CRMP1: variants seen among roughly 807,000 people sequenced by gnomAD.
CRMP1 encodes dihydropyrimidinase-related protein 1.
CRMP1 carries 19 observed loss-of-function variants against 68.3 expected under a neutral mutation model. That is an observed-to-expected ratio of 0.28 (90% CI 0.19 to 0.41). The LOEUF is 0.41. Among genes scored for constraint, CRMP1 ranks in the 10% least tolerant of loss-of-function variants. The probability of loss-of-function intolerance (pLI) is 1.00; values close to 1 mark genes in which losing one functional copy is unlikely to be tolerated. For synonymous variants in CRMP1, 439 were observed against 399.6 expected (o/e 1.10, Z -1.18); for missense variants, 791 against 967.4 (o/e 0.82, Z 2.42).
chr4:5,864,858 C>T (rs1713872075), intron 2 of CRMP1, among the ~76,000 whole-genome samples: 1 of 146,982 alleles, frequency 6.8e-6, no homozygotes, highest in Non-Finnish European at 1.5e-5. Context: ...CCCAAGTTTT[C>T]ATTATGGCTG....
intron 1 of CRMP1, among the ~76,000 whole-genome samples, chr4:5,873,458 C>T (rs1714602468): frequency 6.6e-6 from 1 of 151,728 alleles, no homozygotes; most frequent in African/African-American, 2.4e-5. Flanking sequence ...ATGCTGGCAT[C>T]TGCTTGGCTT....
Position 5,861,675 on chromosome 4 carries a change from G to A in CRMP1, c.471-465C>T, listed in dbSNP as rs551419502. The stretch of plus-strand genomic sequence containing the variant: ...AAACGAAGCCCCCGGGGATCTCCAT[G>A]GGTGACTTATTGATGACGGTGGCTT... On this transcript the variant is annotated intron_variant, in intron 2 of 13. Transcript: ENST00000324989. The surrounding 1 kb of genome is among the most constrained non-coding windows in gnomAD (Gnocchi z 6.0). Among the ~76,000 whole-genome samples, 1 of 152,228 alleles carries A rather than the reference G, an allele frequency of 6.6e-6. No homozygotes were observed. The highest frequency in any genetic ancestry group is 1.9e-4 in the East Asian group (1 of 5,166).
At position 5,870,842 on chromosome 4, in the gene CRMP1, A is replaced by G. The variant is rs1714385075; in HGVS notation, c.382-4086T>C. Among the ~76,000 whole-genome samples, 3 of 152,112 alleles carry G rather than the reference A, an allele frequency of 2.0e-5. No homozygotes were observed. Among genetic ancestry groups the G allele is most frequent in the Admixed American group, 6.5e-5 (1 of 15,280 alleles). On this transcript the variant is annotated intron_variant, in intron 1 of 13. Coordinates refer to ENST00000324989, the MANE Select transcript of CRMP1 (RefSeq NM_001014809.3). This position sits in a 1 kb window ranked among gnomAD's most constrained non-coding sequence, Gnocchi z 6.0. Reference sequence around the variant, plus strand: ...TGGGAAAAAGAGGCCCAGGCTCTGCACGTCCAGGAAGCACCCACAAGCTGG... The same window carrying G: ...TGGGAAAAAGAGGCCCAGGCTCTGCGCGTCCAGGAAGCACCCACAAGCTGG...
chr4:5,863,116 T>C (rs1713708331), intron 2 of CRMP1, among the ~76,000 whole-genome samples: 1 of 30,810 alleles, frequency 3.2e-5, no homozygotes, highest in African/African-American at 5.9e-5. Context: ...CTTTTTTTCC[T>C]TTTTTTTTTT....
intron 11 of CRMP1, among the ~76,000 whole-genome samples, chr4:5,833,841 G>C (rs1414641444): frequency 2.0e-5 from 3 of 152,092 alleles, no homozygotes; most frequent in Non-Finnish European, 4.4e-5. Flanking sequence ...TCAGGAGATC[G>C]AGACCATCCT....
At chr4:5,832,111 G>A (rs1237575409) in intron 11 of CRMP1, among the ~76,000 whole-genome samples, 5 of 152,206 alleles carry the variant, frequency 3.3e-5, no homozygotes, top group East Asian at 1.9e-4. Context: ...TATATGAAAT[G>A]TCCAGAATAG....
intron 5 of CRMP1, among the ~76,000 whole-genome samples, chr4:5,849,937 C>T (rs556121225): frequency 2.1e-4 from 32 of 152,332 alleles, no homozygotes; most frequent in Admixed American, 2.0e-3. Context: ...AAAATATGAA[C>T]CCATGCCATT....
chr4:5,834,294 G>C lies in CRMP1; in HGVS notation c.1623+1621C>G, dbSNP rs1334416553. Among the ~76,000 whole-genome samples, 1 of 152,212 alleles carries C rather than the reference G, an allele frequency of 6.6e-6. No homozygotes were observed. The highest frequency in any genetic ancestry group is 1.5e-5 in the Non-Finnish European group (1 of 68,042). ...CCATTGCAATGGTATTAAGATGTGA[G>C]ACCATTAAGAGCTGATTAGGTCATG... On this transcript the variant is annotated intron_variant, in intron 11 of 13. Transcript: ENST00000324989. This position sits in a 1 kb window ranked among gnomAD's most constrained non-coding sequence, Gnocchi z 4.3.
chr4:5,855,021 C>T lies in CRMP1; in HGVS notation c.820+1122G>A, dbSNP rs1712943175. On this transcript the variant is annotated intron_variant, in intron 4 of 13. Transcript: ENST00000324989. The surrounding 1 kb of genome is among the most constrained non-coding windows in gnomAD (Gnocchi z 4.9). ...AAAAGAAAATAGCTAAGCAAATTAA[C>T]CATTATATTATACATTACAAGCCAT... Among the ~76,000 whole-genome samples the T allele has an allele frequency of 6.6e-6, 1 of 152,064 alleles. No homozygotes were observed. The highest frequency in any genetic ancestry group is 2.4e-5 in the African/African-American group (1 of 41,394).
At position 5,870,635 on chromosome 4, in the gene CRMP1, T is replaced by C. The variant is rs1268721187; in HGVS notation, c.382-3879A>G. ...AAGATGGAGAGAAAGGCATCACAGCTGTGAGCCGAGGAAGACCAGTGTGAA... is the reference window on the plus strand; with the variant it reads ...AAGATGGAGAGAAAGGCATCACAGCCGTGAGCCGAGGAAGACCAGTGTGAA... On this transcript the variant is annotated intron_variant, in intron 1 of 13. Transcript: ENST00000324989. The surrounding 1 kb of genome is among the most constrained non-coding windows in gnomAD (Gnocchi z 6.0). 2.0e-5 allele frequency among the ~76,000 whole-genome samples: 3 copies of C among 152,216 alleles called. No homozygotes were observed. The highest frequency in any genetic ancestry group is 4.4e-5 in the Non-Finnish European group (3 of 68,036).
chr4:5,859,956 T>C lies in CRMP1; in HGVS notation c.655+1070A>G, dbSNP rs1713413932. On this transcript the variant is annotated intron_variant, in intron 3 of 13. Coordinates refer to ENST00000324989, the MANE Select transcript of CRMP1 (RefSeq NM_001014809.3). This position sits in a 1 kb window ranked among gnomAD's most constrained non-coding sequence, Gnocchi z 5.2. ...AACATTTACAATAAACTGTGGCCTATTTAATTAAAATTGCTTATTAAAATG... is the reference window on the plus strand; with the variant it reads ...AACATTTACAATAAACTGTGGCCTACTTAATTAAAATTGCTTATTAAAATG... Among the ~76,000 whole-genome samples the C allele has an allele frequency of 6.6e-6, 1 of 152,120 alleles. No individual in the cohort carries two copies. The highest frequency in any genetic ancestry group is 1.5e-5 in the Non-Finnish European group (1 of 68,030).
chr4:5,838,032 G>T lies in CRMP1; in HGVS notation c.1311-1126C>A, dbSNP rs545350717. Among the ~76,000 whole-genome samples, 1 of 152,202 alleles carries T rather than the reference G, an allele frequency of 6.6e-6. No homozygotes were observed. Among genetic ancestry groups the T allele is most frequent in the Admixed American group, 6.5e-5 (1 of 15,288 alleles). On this transcript the variant is annotated intron_variant, in intron 9 of 13. Transcript: ENST00000324989. This position sits in a 1 kb window ranked among gnomAD's most constrained non-coding sequence, Gnocchi z 4.9. Reference sequence around the variant, plus strand: ...AGTGTCAGGGATTCAACCAAAGCAGGTGGGGATGAGGCGTGCTGGGGACAG... The same window carrying T: ...AGTGTCAGGGATTCAACCAAAGCAGTTGGGGATGAGGCGTGCTGGGGACAG...
rs1243078868 is a variant in CRMP1, at chr4:5,838,449, G to C, written c.1310+1073C>G. On this transcript the variant is annotated intron_variant, in intron 9 of 13. Transcript: ENST00000324989. This position sits in a 1 kb window ranked among gnomAD's most constrained non-coding sequence, Gnocchi z 4.9. ...GACAGCAGACTGTGATGGGTAGGGT[G>C]GGGTGGGCCCGTGTGGAAATAGAAA... 2.6e-5 allele frequency among the ~76,000 whole-genome samples: 4 copies of C among 152,134 alleles called. No individual in the cohort carries two copies. Among genetic ancestry groups the C allele is most frequent in the African/African-American group, 4.8e-5 (2 of 41,416 alleles).
At position 5,855,910 on chromosome 4, in the gene CRMP1, C is replaced by T; in HGVS notation, c.820+233G>A. Among the ~76,000 whole-genome samples the T allele has an allele frequency of 6.6e-6, 1 of 152,156 alleles. No homozygotes were observed. The highest frequency in any genetic ancestry group is 1.9e-4 in the East Asian group (1 of 5,186). ...TCAGCAAGGGCCTGGGCACAGCAGGCTGCAGAGACTGGATCTGCTTCTGAG... is the reference window on the plus strand; with the variant it reads ...TCAGCAAGGGCCTGGGCACAGCAGGTTGCAGAGACTGGATCTGCTTCTGAG... On this transcript the variant is annotated intron_variant, in intron 4 of 13. Transcript: ENST00000324989. The surrounding 1 kb of genome is among the most constrained non-coding windows in gnomAD (Gnocchi z 4.9).
rs1344721935 is a variant in CRMP1 at position 5,881,649 on chromosome 4, T to G, written c.381+10940A>C. Among the ~76,000 whole-genome samples, 3 of 152,148 alleles carry G rather than the reference T, an allele frequency of 2.0e-5. No individual in the cohort carries two copies. Among genetic ancestry groups the G allele is most frequent in the Admixed American group, 2.0e-4 (3 of 15,274 alleles). On this transcript the variant is annotated intron_variant, in intron 1 of 13. Coordinates refer to ENST00000324989, the MANE Select transcript of CRMP1 (RefSeq NM_001014809.3). This position sits in a 1 kb window ranked among gnomAD's most constrained non-coding sequence, Gnocchi z 4.6. ...AGAGCTGACTTTTACTTACAGCAAA[T>G]TAGACTCTATTCAACATCTCTCTGC...
rs184072582 is a variant in CRMP1 at position 5,838,817 on chromosome 4, G to C, written c.1310+705C>G. Among the ~76,000 whole-genome samples the C allele has an allele frequency of 6.6e-6, 1 of 151,874 alleles. No homozygotes were observed. ...AGCCCCATCTTATCCTCCCCTATTG[G>C]GCAAACTCCTACTCATCCCCAAGCT... On this transcript the variant is annotated intron_variant, in intron 9 of 13. Coordinates refer to ENST00000324989, the MANE Select transcript of CRMP1 (RefSeq NM_001014809.3). This position sits in a 1 kb window ranked among gnomAD's most constrained non-coding sequence, Gnocchi z 4.9.
intron 3 of CRMP1, 147 bp from the exon 4 acceptor site, chr4:5,856,454 CTA>C: frequency 1.6e-6 from 1 of 633,886 alleles, no homozygotes; most frequent in Non-Finnish European, 2.6e-6. Flanking sequence ...ACCATTATCA[CTA>C]TGACAGCCAC....
In CRMP1 at chr4:5,850,682, G is replaced by A. The variant is rs1228333515; in HGVS notation, c.882+726C>T. ...TGAGCCTAAAGCACAGAGAAGTTGG[G>A]AAAGCTGCCCCTGGCTGCAGAGCAA... On this transcript the variant is annotated intron_variant, in intron 5 of 13. Coordinates refer to ENST00000324989, the MANE Select transcript of CRMP1 (RefSeq NM_001014809.3). This position sits in a 1 kb window ranked among gnomAD's most constrained non-coding sequence, Gnocchi z 4.4. Among the ~76,000 whole-genome samples, 3 of 152,152 alleles carry A rather than the reference G, an allele frequency of 2.0e-5. No individual in the cohort carries two copies. The highest frequency in any genetic ancestry group is 4.8e-5 in the African/African-American group (2 of 41,432).
In CRMP1 at chr4:5,879,685, G is replaced by A. The variant is rs1174808239; in HGVS notation, c.381+12904C>T. 6.6e-6 allele frequency among the ~76,000 whole-genome samples: 1 copy of A among 152,152 alleles called. No homozygotes were observed. Among genetic ancestry groups the A allele is most frequent in the African/African-American group, 2.4e-5 (1 of 41,426 alleles). On this transcript the variant is annotated intron_variant, in intron 1 of 13. Coordinates refer to ENST00000324989, the MANE Select transcript of CRMP1 (RefSeq NM_001014809.3). The surrounding 1 kb of genome is among the most constrained non-coding windows in gnomAD (Gnocchi z 4.2). ...TATGCCAAATGCTCTAACATTCTATGCCAAATGTTCATGCATTTGAGGATG... is the reference window on the plus strand; with the variant it reads ...TATGCCAAATGCTCTAACATTCTATACCAAATGTTCATGCATTTGAGGATG...
Sources: gnomAD v4.1 joint callset for allele counts (sites outside exome capture counted in the v4.1 genomes callset) on GRCh38, gnomAD v4.1.1 for gene constraint, Gnocchi (gnomAD v3.1) non-coding constraint, MANE v1.5 for transcripts, NCBI Gene and HGNC (gene_info 2026-07-23, HGNC 2026-07-21) for gene names.